Variants in CARMIL2 observed in about 807,000 individuals in gnomAD.
CARMIL2 encodes the protein capping protein, Arp2/3 and myosin-I linker protein 2.
In CARMIL2, 96 loss-of-function variants were observed where a neutral mutation model predicts 173.3. The observed-to-expected ratio is 0.55, with a 90% CI of 0.47 to 0.66. The LOEUF (loss-of-function observed/expected upper bound fraction) is 0.66. Among genes scored for constraint, CARMIL2 ranks in the 30% least tolerant of loss-of-function variants. The pLI, the probability that CARMIL2 is intolerant of heterozygous loss-of-function variation, is 0.00. For missense variants in CARMIL2, 1,771 were observed against 1,906.7 expected (o/e 0.93, Z 1.33); for synonymous variants, 830 against 817.1 (o/e 1.02, Z -0.27).
Position 67,656,530 on chromosome 16 carries a change from A to G in CARMIL2, c.3921A>G (p.Gln1307=), listed in dbSNP as rs1168707712. The G allele has an allele frequency of 6.2e-7, 1 of 1,613,538 alleles. No homozygotes were observed. ...AGCTCAGGAGCCGTGGTTGGGGCCAACAGGATGGTCCAGGCCCTCCCTCCC... is the reference window on the plus strand; with the variant it reads ...AGCTCAGGAGCCGTGGTTGGGGCCAGCAGGATGGTCCAGGCCCTCCCTCCC... ...NAELRSRGWG[Q]QDGPGPPSPG... Residue 1307 remains glutamine (Q), a synonymous_variant, in exon 35 of 38, where the codon CAA becomes CAG. Coordinates refer to ENST00000334583, the MANE Select transcript of CARMIL2 (RefSeq NM_001013838.3).
chr16:67,648,616 G>A lies in CARMIL2; in HGVS notation c.1440-69G>A. The A allele has an allele frequency of 3.3e-6, 5 of 1,515,528 alleles. No homozygotes were observed. The South Asian group carries it at 4.8e-5, about 14-fold the overall frequency. 93.9% of individuals were successfully genotyped at this position (1,515,528 alleles called of 1,614,324 possible). A position where few individuals can be genotyped will look rare whatever the true frequency, so the allele number is the denominator to read the frequency against. On this transcript the variant is annotated intron_variant, in intron 15 of 37. Coordinates refer to ENST00000334583, the MANE Select transcript of CARMIL2 (RefSeq NM_001013838.3). This position sits in a 1 kb window ranked among gnomAD's most constrained non-coding sequence, Gnocchi z 6.1. ...ACAACCTCCCCCAGATCCTGGCCCT[G>A]CCTCCTTCGTTCGCACCCTGGAGCC...
In CARMIL2 at chr16:67,653,102, G is replaced by C; in HGVS notation, c.2968G>C (p.Gly990Arg). The change falls in exon 29 of 38, where the codon GGC becomes CGC. Residue 990 changes from glycine (G) to arginine (R), a missense_variant. Physicochemically the swap from Gly to Arg is moderately radical, Grantham distance 125. Transcript: ENST00000334583. The surrounding 1 kb of genome is among the most constrained non-coding windows in gnomAD (Gnocchi z 7.4). ...GCCGCAGGCGGGGCCGTCCGCGCGC[G>C]GCTCTCCGAGCCCTGCCGCCCCTGG... Reference protein sequence around the residue: ...AEPQAGPSARGSPSPAAPGPP... With the variant: ...AEPQAGPSARRSPSPAAPGPP... 8.5e-7 allele frequency: 1 copy of C among 1,177,090 alleles called. No homozygotes were observed. Among genetic ancestry groups the C allele is most frequent in the Non-Finnish European group, 1.1e-6 (1 of 947,558 alleles). The allele number at this position is 1,177,090 out of a possible 1,614,324, so 72.9% of individuals were successfully genotyped here. A position where few individuals can be genotyped will look rare whatever the true frequency, so the allele number is the denominator to read the frequency against.
rs978288610 is a variant in CARMIL2 at position 67,653,992 on chromosome 16, A to G, written c.3121-157A>G. Among the ~76,000 whole-genome samples, 7 of 149,592 alleles carry G rather than the reference A, an allele frequency of 4.7e-5. No homozygotes were observed. Among genetic ancestry groups the G allele is most frequent in the Non-Finnish European group, 8.9e-5 (6 of 67,502 alleles). ...TGCGTGAAATCTGGAGTCTCTGTCC[A>G]GCAGCAGGACAGTAGGAGGCTGGTA... On this transcript the variant is annotated intron_variant, in intron 29 of 37. Coordinates refer to ENST00000334583, the MANE Select transcript of CARMIL2 (RefSeq NM_001013838.3). This position sits in a 1 kb window ranked among gnomAD's most constrained non-coding sequence, Gnocchi z 7.4.
rs2052772683 is a variant in CARMIL2 at position 67,653,645 on chromosome 16, G to A, written c.3120+391G>A. 6.6e-6 allele frequency among the ~76,000 whole-genome samples: 1 copy of A among 152,188 alleles called. No individual in the cohort carries two copies. Among genetic ancestry groups the A allele is most frequent in the African/African-American group, 2.4e-5 (1 of 41,462 alleles). On this transcript the variant is annotated intron_variant, in intron 29 of 37. Coordinates refer to ENST00000334583, the MANE Select transcript of CARMIL2 (RefSeq NM_001013838.3). This position sits in a 1 kb window ranked among gnomAD's most constrained non-coding sequence, Gnocchi z 7.4. ...CGCGTCCGGCGGCGGCGCGTGTGGGGAGATGCGTGTGTGGGCTGCAAGCCC... is the reference window on the plus strand; with the variant it reads ...CGCGTCCGGCGGCGGCGCGTGTGGGAAGATGCGTGTGTGGGCTGCAAGCCC...
At position 67,653,582 on chromosome 16, in the gene CARMIL2, C is replaced by T. The variant is rs972256279; in HGVS notation, c.3120+328C>T. Among the ~76,000 whole-genome samples the T allele has an allele frequency of 2.0e-5, 3 of 152,154 alleles. No individual in the cohort carries two copies. The highest frequency in any genetic ancestry group is 4.4e-5 in the Non-Finnish European group (3 of 68,000). The stretch of plus-strand genomic sequence containing the variant: ...GGGCTGCTGAGAGATGCCGGGCAGC[C>T]GGGTAGCCGAGCCGCGGGGCCAAGC... On this transcript the variant is annotated intron_variant, in intron 29 of 37. Coordinates refer to ENST00000334583, the MANE Select transcript of CARMIL2 (RefSeq NM_001013838.3). This position sits in a 1 kb window ranked among gnomAD's most constrained non-coding sequence, Gnocchi z 7.4.
At position 67,649,024 on chromosome 16, in the gene CARMIL2, C is replaced by T. The variant is rs1433436604; in HGVS notation, c.1591+50C>T. Reference sequence around the variant, plus strand: ...TCGCATCATCCACTCGATTCCCAATCCCCACCCTACCCTTGCAACTTCGCC... The same window carrying T: ...TCGCATCATCCACTCGATTCCCAATTCCCACCCTACCCTTGCAACTTCGCC... On this transcript the variant is annotated intron_variant, in intron 17 of 37. Coordinates refer to ENST00000334583, the MANE Select transcript of CARMIL2 (RefSeq NM_001013838.3). The surrounding 1 kb of genome is among the most constrained non-coding windows in gnomAD (Gnocchi z 6.7). 2 of 1,601,638 alleles carry T rather than the reference C, an allele frequency of 1.2e-6. No individual in the cohort carries two copies. Among genetic ancestry groups the T allele is most frequent in the Non-Finnish European group, 8.5e-7 (1 of 1,174,388 alleles).
In CARMIL2 at chr16:67,657,370, C is replaced by T. The variant is rs112011416; in HGVS notation, c.4196-36C>T. The T allele has an allele frequency of 2.0e-4, 319 of 1,607,024 alleles. No homozygotes were observed. Among genetic ancestry groups the T allele is most frequent in the Middle Eastern group, 9.9e-4 (6 of 6,074 alleles). ...GGTGGCAGGACTGCTTAGCCCAGCC[C>T]TGACCCTTCCTCTCTCTCCCTCCCT... is the stretch of plus-strand genomic sequence containing the variant. On this transcript the variant is annotated intron_variant, in intron 37 of 37. Transcript: ENST00000334583. The surrounding 1 kb of genome is among the most constrained non-coding windows in gnomAD (Gnocchi z 4.5).
Position 67,653,010 on chromosome 16 carries a change from TC to T in CARMIL2, c.2885-5del. On this transcript the variant is annotated splice_polypyrimidine_tract_variant and splice_region_variant and intron_variant, in intron 28 of 37. Transcript: ENST00000334583. The surrounding 1 kb of genome is among the most constrained non-coding windows in gnomAD (Gnocchi z 7.4). Reference sequence around the variant, plus strand: ...GGCGCTCGGTGCTCTTCTGGTGCTGTCCCCTCAGGTGCTGCTGAGGAAGCGG... The same window carrying T: ...GGCGCTCGGTGCTCTTCTGGTGCTGTCCCTCAGGTGCTGCTGAGGAAGCGG... 4.0e-6 allele frequency: 5 copies of T among 1,252,484 alleles called. No homozygotes were observed. Among genetic ancestry groups the T allele is most frequent in the East Asian group, 5.2e-5 (1 of 19,086 alleles). 77.6% of individuals were successfully genotyped at this position (1,252,484 alleles called of 1,614,324 possible).
chr16:67,649,090 A>C lies in CARMIL2; in HGVS notation c.1606A>C (p.Met536Leu). Residue 536 changes from methionine to leucine, a missense_variant, in exon 18 of 38, where the codon ATG becomes CTG. By Grantham distance (15) the Met-to-Leu change is conservative. Transcript: ENST00000334583. This position sits in a 1 kb window ranked among gnomAD's most constrained non-coding sequence, Gnocchi z 6.7. ...GTCACCCCCAGGCTTCGGCTCAGACATGGTGACTCTGGTGCTGGCCATCGG... is the reference window on the plus strand; with the variant it reads ...GTCACCCCCAGGCTTCGGCTCAGACCTGGTGACTCTGGTGCTGGCCATCGG... ...DLADNGFGSD[M>L]VTLVLAIGRS... 1.2e-6 allele frequency: 2 copies of C among 1,613,000 alleles called. No homozygotes were observed. The highest frequency in any genetic ancestry group is 2.2e-5 in the East Asian group (1 of 44,856).
rs1373275842 is a variant in CARMIL2 at position 67,657,417 on chromosome 16, G to A, written c.4207G>A (p.Gly1403Arg). 6.2e-7 allele frequency: 1 copy of A among 1,606,038 alleles called. No homozygotes were observed. The highest frequency in any genetic ancestry group is 8.5e-7 in the Non-Finnish European group (1 of 1,176,658). Residue 1403 changes from glycine (G) to arginine (R), a missense_variant, in exon 38 of 38, where the codon GGA (glycine) becomes AGA (arginine). Around this residue, in one of 3 missense-constraint regions of CARMIL2, gnomAD observed 817 missense variants for 903.5 expected, o/e 0.90. Coordinates refer to ENST00000334583, the MANE Select transcript of CARMIL2 (RefSeq NM_001013838.3). The surrounding 1 kb of genome is among the most constrained non-coding windows in gnomAD (Gnocchi z 4.5). ...PPSPSLGSGL[G>R]TEPLPPQPTE... ...CCCTCCCCTCACAGGATCTGGCCTTGGAACCGAGCCTCTGCCCCCACAGCC... is the reference window on the plus strand; with the variant it reads ...CCCTCCCCTCACAGGATCTGGCCTTAGAACCGAGCCTCTGCCCCCACAGCC...
chr16:67,646,866 C>T lies in CARMIL2; in HGVS notation c.538-34C>T, dbSNP rs200482630. The T allele has an allele frequency of 8.7e-4, 1,410 of 1,613,584 alleles. 2 individuals carry two copies. Among genetic ancestry groups the T allele is most frequent in the Non-Finnish European group, 8.7e-4 (1,025 of 1,179,622 alleles). ...GAGCCCCTCCCTGCCCCTTGTGGCC[C>T]CAGGCGAACTGTAAGCATCTCCTTC... On this transcript the variant is annotated intron_variant, in intron 7 of 37. Transcript: ENST00000334583. This position sits in a 1 kb window ranked among gnomAD's most constrained non-coding sequence, Gnocchi z 4.6.
At position 67,651,898 on chromosome 16, in the gene CARMIL2, C is replaced by G. The variant is rs1241068785; in HGVS notation, c.2589-23C>G. Reference sequence around the variant, plus strand: ...AGGCTGAGCAAAGCCAGCCCATTAACCCCTGTCCTCTCCTGCCCTTAGGGA... The same window carrying G: ...AGGCTGAGCAAAGCCAGCCCATTAAGCCCTGTCCTCTCCTGCCCTTAGGGA... On this transcript the variant is annotated intron_variant, in intron 25 of 37. Coordinates refer to ENST00000334583, the MANE Select transcript of CARMIL2 (RefSeq NM_001013838.3). This position sits in a 1 kb window ranked among gnomAD's most constrained non-coding sequence, Gnocchi z 4.2. 4.3e-6 allele frequency: 7 copies of G among 1,613,196 alleles called. No individual in the cohort carries two copies. In the South Asian group the frequency reaches 6.6e-5, roughly 15 times the overall value.
rs756887231 is a variant in CARMIL2 at position 67,648,676 on chromosome 16, C to CT, written c.1440-8dup. Reference sequence around the variant, plus strand: ...AGCTCCCGCCACCCCGTGTAACGTCCTCTCCCAGAGCCCTTTTGGATGGCC... The same window carrying CT: ...AGCTCCCGCCACCCCGTGTAACGTCCTTCTCCCAGAGCCCTTTTGGATGGCC... On this transcript the variant is annotated splice_polypyrimidine_tract_variant and intron_variant, in intron 15 of 37. Transcript: ENST00000334583. The surrounding 1 kb of genome is among the most constrained non-coding windows in gnomAD (Gnocchi z 6.1). 6.9e-6 allele frequency: 11 copies of CT among 1,602,530 alleles called. No homozygotes were observed. Among genetic ancestry groups the CT allele is most frequent in the Admixed American group, 5.1e-5 (3 of 58,542 alleles).
rs377705114 is a variant in CARMIL2 at position 67,649,013 on chromosome 16, C to T, written c.1591+39C>T. On this transcript the variant is annotated intron_variant, in intron 17 of 37. Coordinates refer to ENST00000334583, the MANE Select transcript of CARMIL2 (RefSeq NM_001013838.3). The surrounding 1 kb of genome is among the most constrained non-coding windows in gnomAD (Gnocchi z 6.7). Reference sequence around the variant, plus strand: ...AGAGCCCATCCTCGCATCATCCACTCGATTCCCAATCCCCACCCTACCCTT... The same window carrying T: ...AGAGCCCATCCTCGCATCATCCACTTGATTCCCAATCCCCACCCTACCCTT... 1.3e-4 allele frequency: 210 copies of T among 1,601,524 alleles called. No homozygotes were observed. The highest frequency in any genetic ancestry group is 1.7e-4 in the Non-Finnish European group (204 of 1,174,590).
Position 67,656,486 on chromosome 16 carries a change from G to T in CARMIL2, c.3877G>T (p.Gly1293Trp). 1 of 1,613,038 alleles carries T rather than the reference G, an allele frequency of 6.2e-7. No homozygotes were observed. Residue 1293 changes from glycine (G) to tryptophan (W), a missense_variant, in exon 35 of 38, where the codon GGG becomes TGG. By Grantham distance (184) the Gly-to-Trp change is radical. Coordinates refer to ENST00000334583, the MANE Select transcript of CARMIL2 (RefSeq NM_001013838.3). ...TGAGTCTGCCACCTGGAAGACACTG[G>T]GGCAGCAGTTGAATGCGGAGCTCAG... ...GPESATWKTL[G>W]QQLNAELRSR... is the part of the protein sequence containing the mutation.
At chr16:67,654,083 G>C (rs868816803) in intron 29 of CARMIL2, 66 bp from the exon 30 acceptor site, 48 of 529,132 alleles carry the variant, frequency 9.1e-5, no homozygotes, top group Middle Eastern at 1.4e-3. Flanking sequence ...TGCCGGCCGG[G>C]GGGGGGGGGG....
rs1020381460 is a variant in CARMIL2 at position 67,648,472 on chromosome 16, C to T, written c.1409C>T (p.Ala470Val). 1 of 1,437,920 alleles carries T rather than the reference C, an allele frequency of 7.0e-7. No homozygotes were observed. The allele number at this position is 1,437,920 out of a possible 1,614,324, so 89.1% of individuals were successfully genotyped here. ...RARTLRHLGLAGCKLPPDALR... is the reference protein window; with the variant it reads ...RARTLRHLGLVGCKLPPDALR... ...CGGACGCTGCGGCACCTGGGCCTGGCGGGCTGCAAGCTGCCGCCCGACGCG... is the reference window on the plus strand; with the variant it reads ...CGGACGCTGCGGCACCTGGGCCTGGTGGGCTGCAAGCTGCCGCCCGACGCG... Residue 470 changes from alanine to valine, a missense_variant, in exon 15 of 38, where the codon GCG (alanine) becomes GTG (valine). This residue lies in a region of CARMIL2 where 944 missense variants were observed against 975.6 expected (regional missense o/e 0.97). Transcript: ENST00000334583. The surrounding 1 kb of genome is among the most constrained non-coding windows in gnomAD (Gnocchi z 6.1).
Position 67,657,234 on chromosome 16 carries a change from C to G in CARMIL2, c.4118-5C>G. ...ACCCACCCCAAGCCTTTCTGTGTCCCTTAGAACGGCCCCTGAGGCTGCAGC... is the reference window on the plus strand; with the variant it reads ...ACCCACCCCAAGCCTTTCTGTGTCCGTTAGAACGGCCCCTGAGGCTGCAGC... On this transcript the variant is annotated splice_polypyrimidine_tract_variant and splice_region_variant and intron_variant, in intron 36 of 37. Transcript: ENST00000334583. This position sits in a 1 kb window ranked among gnomAD's most constrained non-coding sequence, Gnocchi z 4.5. 6.2e-7 allele frequency: 1 copy of G among 1,613,494 alleles called. No homozygotes were observed. Among genetic ancestry groups the G allele is most frequent in the South Asian group, 1.1e-5 (1 of 90,962 alleles).
rs372460482 is a variant in CARMIL2 at position 67,648,375 on chromosome 16, G to A, written c.1335-23G>A. ...GGAAGCCGCCTCCTTGCGGCCCCAG[G>A]CCCACCTTCCCACTTCCCCCAGGAA... On this transcript the variant is annotated intron_variant, in intron 14 of 37. Transcript: ENST00000334583. The surrounding 1 kb of genome is among the most constrained non-coding windows in gnomAD (Gnocchi z 6.1). 3.8e-3 allele frequency: 5,916 copies of A among 1,538,728 alleles called. 83 individuals carry two copies. The highest frequency in any genetic ancestry group is 0.028 in the South Asian group (2,371 of 84,614).
Sources: gnomAD v4.1 joint callset for allele counts (sites outside exome capture counted in the v4.1 genomes callset) on GRCh38, gnomAD v4.1.1 for gene constraint, gnomAD v4.1.1 regional missense constraint, Gnocchi (gnomAD v3.1) non-coding constraint, MANE v1.5 for transcripts, NCBI Gene and HGNC (gene_info 2026-07-23, HGNC 2026-07-21) for gene names.